The following PHF20 variants were observed in gnomAD, a reference collection of about 807,000 sequenced individuals.
PHF20 encodes the protein glioma-expressed antigen 2.
Under a neutral mutation model 113.5 loss-of-function variants are expected in PHF20, and 23 were observed. The ratio of observed to expected loss-of-function variants is 0.20; its 90% CI spans 0.15 to 0.29. The LOEUF (loss-of-function observed/expected upper bound fraction) is 0.29. Among genes scored for constraint, PHF20 ranks in the 10% least tolerant of loss-of-function variants. PHF20 has a pLI of 1.00. For synonymous variants in PHF20, 434 were observed against 457.3 expected, an observed-to-expected ratio of 0.95 and a Z score of 0.65; for missense variants, 943 against 1,219.6, an observed-to-expected ratio of 0.77 and a Z score of 3.38.
intron 2 of PHF20, among the ~76,000 whole-genome samples, chr20:35,840,161 C>T (rs1425198554): frequency 6.6e-6 from 1 of 152,110 alleles, no homozygotes; most frequent in Non-Finnish European, 1.5e-5. Context: ...GGAGAAAATA[C>T]AGATAGAATG....
At chr20:35,929,154 T>C (rs560143544) in intron 14 of PHF20, among the ~76,000 whole-genome samples, 2 of 152,340 alleles carry the variant, frequency 1.3e-5, no homozygotes, top group Non-Finnish European at 2.9e-5. Context: ...ACTCCCAGTT[T>C]TGCTTATGAG....
At chr20:35,831,293 G>A (rs1371535699) in intron 2 of PHF20, among the ~76,000 whole-genome samples, 5 of 151,946 alleles carry the variant, frequency 3.3e-5, no homozygotes, top group Non-Finnish European at 7.4e-5. Flanking sequence ...TTGAGTAACT[G>A]GGACTACAGG....
chr20:35,893,577 TAC>T (rs2147043770), intron 9 of PHF20, among the ~76,000 whole-genome samples: 1 of 152,262 alleles, frequency 6.6e-6, no homozygotes, highest in South Asian at 2.1e-4. Context: ...GTACTAGGAT[TAC>T]AGGCATGAGC....
rs1161870867 is a variant in PHF20 at position 35,843,001 on chromosome 20, C to T, written c.255+257C>T. Among the ~76,000 whole-genome samples, 5 of 152,164 alleles carry T rather than the reference C, an allele frequency of 3.3e-5. No homozygotes were observed. In the Middle Eastern group the frequency reaches 0.01, roughly 311 times the overall value. Reference sequence around the variant, plus strand: ...TCTGCTCACTGCAGTCTCCACCTCTCGGGTTCAAGCGATTCTCGTGCCTCA... The same window carrying T: ...TCTGCTCACTGCAGTCTCCACCTCTTGGGTTCAAGCGATTCTCGTGCCTCA... On this transcript the variant is annotated intron_variant, in intron 3 of 17. Transcript: ENST00000374012.
chr20:35,947,723 C>A lies in PHF20; in HGVS notation c.*96C>A. 7.9e-7 allele frequency: 1 copy of A among 1,273,006 alleles called. No individual in the cohort carries two copies. Among genetic ancestry groups the A allele is most frequent in the Non-Finnish European group, 1.1e-6 (1 of 909,076 alleles). The allele number at this position is 1,273,006 out of a possible 1,614,324, so 78.9% of individuals were successfully genotyped here. On this transcript the variant is annotated 3_prime_UTR_variant, in exon 18 of 18. Coordinates refer to ENST00000374012, the MANE Select transcript of PHF20 (RefSeq NM_016436.5). ...AAATAAACCTAGCATGCTGAATGCA[C>A]GTGACACCGACTGACTTCAGGGATC...
intron 1 of PHF20, among the ~76,000 whole-genome samples, chr20:35,783,407 A>G (rs1407939987): frequency 2.0e-5 from 3 of 151,784 alleles, no homozygotes; most frequent in Non-Finnish European, 2.9e-5. Context: ...TGCCAAAGAA[A>G]AAGACTCTTA....
intron 1 of PHF20, among the ~76,000 whole-genome samples, chr20:35,785,050 T>A (rs1184680555): frequency 7.7e-5 from 11 of 142,278 alleles, no homozygotes; most frequent in African/African-American, 2.6e-4. Context: ...GACCCTGTCT[T>A]AAAAAAAAAA....
chr20:35,798,708 C>G (rs1415178129), intron 1 of PHF20, among the ~76,000 whole-genome samples: 1 of 152,028 alleles, frequency 6.6e-6, no homozygotes, highest in African/African-American at 2.4e-5. Context: ...GCAGCCTCGG[C>G]CTCCCAAAGT....
intron 3 of PHF20, among the ~76,000 whole-genome samples, chr20:35,844,780 CTT>C (rs2046036356): frequency 6.6e-6 from 1 of 151,950 alleles, no homozygotes; most frequent in African/African-American, 2.4e-5. Flanking sequence ...ACTATAGACT[CTT>C]GTTTTTTAAC....
At position 35,877,279 on chromosome 20, in the gene PHF20, CAAAAAAAAAAAAAA is replaced by C. The variant is rs1246687018; in HGVS notation, c.1282+5461_1282+5474del. Among the ~76,000 whole-genome samples the C allele has an allele frequency of 3.5e-3, 46 of 12,976 alleles. 1 individual carries two copies. In the South Asian group the frequency reaches 0.082, roughly 23 times the overall value. The allele number at this position is 12,976 out of a possible 152,430, so 8.5% of individuals were successfully genotyped here. ...CTCTCCAGCCTGAGAGACTCCATCT[CAAAAAAAAAAAAAA>C]AAAAAAAAAAGAGTGAGACTCCATC... On this transcript the variant is annotated intron_variant, in intron 9 of 17. Coordinates refer to ENST00000374012, the MANE Select transcript of PHF20 (RefSeq NM_016436.5).
At chr20:35,945,183 C>A (rs978307174) in intron 17 of PHF20, among the ~76,000 whole-genome samples, 1 of 152,132 alleles carries the variant, frequency 6.6e-6, no homozygotes, top group Non-Finnish European at 1.5e-5. Context: ...ATGGGTAGGG[C>A]GCTTTGCTGG....
chr20:35,837,609 A>G (rs772557065), intron 2 of PHF20, among the ~76,000 whole-genome samples: 8 of 152,344 alleles, frequency 5.3e-5, no homozygotes, highest in Non-Finnish European at 7.3e-5. Flanking sequence ...TGGTAGGTAA[A>G]AAGCAGTTGA....
intron 9 of PHF20, among the ~76,000 whole-genome samples, chr20:35,877,279 CAAAAAAAAAAAAAAAA>C (rs1246687018): frequency 7.7e-5 from 1 of 12,972 alleles, no homozygotes; most frequent in Non-Finnish European, 1.5e-4. Flanking sequence ...GACTCCATCT[CAAAAAAAAAAAAAAAA>C]AAAAAAAAGA....
At chr20:35,850,792 A>T (rs1217149779) in intron 4 of PHF20, 2 of 778,790 alleles carry the variant, frequency 2.6e-6, no homozygotes, top group Non-Finnish European at 2.2e-6. Context: ...CCACTAGCTA[A>T]TACAGTATTA....
chr20:35,917,550 A>G lies in PHF20; in HGVS notation c.1892A>G (p.Asp631Gly), dbSNP rs559318670. Reference protein sequence around the residue: ...FLWSDDEYGQDVDVTTNPDEE... With the variant: ...FLWSDDEYGQGVDVTTNPDEE... The stretch of plus-strand genomic sequence containing the variant: ...TGGAGTGATGATGAGTATGGCCAAG[A>G]TGTGGATGTGACCACCAACCCAGAT... The change falls in exon 13 of 18, where the codon GAT (aspartate) becomes GGT (glycine). Residue 631 changes from aspartate to glycine, a missense_variant. Physicochemically the swap from Asp to Gly is moderately conservative, Grantham distance 94. Around this residue, in one of 3 missense-constraint regions of PHF20, gnomAD observed 592 missense variants for 787.2 expected, o/e 0.75. Coordinates refer to ENST00000374012, the MANE Select transcript of PHF20 (RefSeq NM_016436.5). The G allele has an allele frequency of 6.2e-7, 1 of 1,614,066 alleles. No homozygotes were observed. The highest frequency in any genetic ancestry group is 1.7e-5 in the Admixed American group (1 of 60,012).
chr20:35,903,026 T>C (rs2055128472), intron 10 of PHF20, among the ~76,000 whole-genome samples: 1 of 150,606 alleles, frequency 6.6e-6, no homozygotes, highest in Admixed American at 6.6e-5. Context: ...TTTTTCTTTT[T>C]TTTTTTTTTT....
chr20:35,909,641 C>A (rs925135524), intron 10 of PHF20, among the ~76,000 whole-genome samples: 1 of 152,160 alleles, frequency 6.6e-6, no homozygotes, highest in Non-Finnish European at 1.5e-5. Flanking sequence ...GGTCTAAGTT[C>A]TCTCCAGCTT....
intron 10 of PHF20, among the ~76,000 whole-genome samples, chr20:35,911,497 C>T (rs564620424): frequency 2.6e-5 from 4 of 152,124 alleles, no homozygotes; most frequent in Non-Finnish European, 5.9e-5. Context: ...TCTATGTGGA[C>T]GTAAGTGATG....
At chr20:35,873,620 C>T (rs762164476) in intron 9 of PHF20, among the ~76,000 whole-genome samples, 7 of 152,014 alleles carry the variant, frequency 4.6e-5, no homozygotes, top group Non-Finnish European at 7.4e-5. Flanking sequence ...AGGCACCCAC[C>T]ACCACAATCG....
Sources: gnomAD v4.1 joint callset for allele counts (sites outside exome capture counted in the v4.1 genomes callset) on GRCh38, gnomAD v4.1.1 for gene constraint, gnomAD v4.1.1 regional missense constraint, MANE v1.5 for transcripts, NCBI Gene and HGNC (gene_info 2026-07-23, HGNC 2026-07-21) for gene names.